The following FSCN1 variants were observed in gnomAD, a reference collection of about 807,000 sequenced individuals.
FSCN1 encodes the protein fascin.
Under a neutral mutation model 39.7 loss-of-function variants are expected in FSCN1, and 10 were observed. That is an observed-to-expected ratio of 0.25 (90% CI 0.16 to 0.43). The LOEUF (loss-of-function observed/expected upper bound fraction) is 0.43, where lower values mean the gene tolerates loss of function less well. Ranked by LOEUF, FSCN1 falls within the 20% of genes least tolerant of loss-of-function variation. The pLI is 1.00. For missense variants in FSCN1, 525 were observed against 723.8 expected (o/e 0.73, Z 3.15); for synonymous variants, 322 against 320.0 (o/e 1.01, Z -0.07).
rs1785864624 is a variant in FSCN1, at chr7:5,603,171, G to A, written c.833-86G>A. ...CCCACCCCGTGGTGTTACCTTGCGTGTGTAGTTCTGTGAGCTCAGGGCTAT... is the reference window on the plus strand; with the variant it reads ...CCCACCCCGTGGTGTTACCTTGCGTATGTAGTTCTGTGAGCTCAGGGCTAT... On this transcript the variant is annotated intron_variant, in intron 1 of 4. Transcript: ENST00000382361. This position sits in a 1 kb window ranked among gnomAD's most constrained non-coding sequence, Gnocchi z 8.5. 2 of 1,485,616 alleles carry A rather than the reference G, an allele frequency of 1.3e-6. No individual in the cohort carries two copies. Among genetic ancestry groups the A allele is most frequent in the African/African-American group, 1.4e-5 (1 of 72,646 alleles). 92.0% of individuals were successfully genotyped at this position (1,485,616 alleles called of 1,614,324 possible). A position where few individuals can be genotyped will look rare whatever the true frequency, so the allele number is the denominator to read the frequency against.
Position 5,605,846 on chromosome 7 carries a change from A to C in FSCN1, c.*372A>C. On this transcript the variant is annotated 3_prime_UTR_variant, in exon 5 of 5. Coordinates refer to ENST00000382361, the MANE Select transcript of FSCN1 (RefSeq NM_003088.4). The surrounding 1 kb of genome is among the most constrained non-coding windows in gnomAD (Gnocchi z 6.9). The stretch of plus-strand genomic sequence containing the variant: ...TGGGGGCTGGGAGCCCTGGGCGTGT[A>C]GTGTAACTGGAATCTTTTGCCTCTC... The C allele has an allele frequency of 5.2e-6, 1 of 193,858 alleles. No individual in the cohort carries two copies. Among genetic ancestry groups the C allele is most frequent in the Non-Finnish European group, 1.1e-5 (1 of 93,914 alleles). 12.0% of individuals were successfully genotyped at this position (193,858 alleles called of 1,614,324 possible). A position where few individuals can be genotyped will look rare whatever the true frequency, so the allele number is the denominator to read the frequency against.
At chr7:5,601,993 T>C (rs57071890) in intron 1 of FSCN1, among the ~76,000 whole-genome samples, 17,018 of 151,344 alleles carry the variant, frequency 0.11, 954 homozygotes, top group South Asian at 0.14. Context: ...TCATTCTTGT[T>C]GCCCAGGCTG....
At position 5,603,037 on chromosome 7, in the gene FSCN1, CAT is replaced by C. The variant is rs1162405993; in HGVS notation, c.833-219_833-218del. On this transcript the variant is annotated intron_variant, in intron 1 of 4. Transcript: ENST00000382361. This position sits in a 1 kb window ranked among gnomAD's most constrained non-coding sequence, Gnocchi z 8.5. ...TATTATTTCTCTAACTGGGGAAAGT[CAT>C]GTGGGAACAGATGTAGCTTGCCTTG... 1.7e-6 allele frequency: 1 copy of C among 586,652 alleles called. No individual in the cohort carries two copies. Among genetic ancestry groups the C allele is most frequent in the Non-Finnish European group, 3.0e-6 (1 of 329,124 alleles). 36.3% of individuals were successfully genotyped at this position (586,652 alleles called of 1,614,324 possible).
chr7:5,594,748 G>A (rs1050243729), intron 1 of FSCN1: 12 of 152,082 alleles, frequency 7.9e-5, no homozygotes, highest in Admixed American at 7.2e-4. Context: ...TCCGCTCCGC[G>A]GGCGACCGAG....
chr7:5,595,442 C>A (rs1336245610), intron 1 of FSCN1, among the ~76,000 whole-genome samples: 1 of 152,206 alleles, frequency 6.6e-6, no homozygotes, highest in Non-Finnish European at 1.5e-5. Context: ...TTGAGCCCTA[C>A]TAAGGGGACC....
intron 1 of FSCN1, chr7:5,594,045 A>AACCCCCC (rs1562744737): frequency 1.1e-5 from 3 of 262,494 alleles, no homozygotes; most frequent in Non-Finnish European, 2.0e-5. Flanking sequence ...CACCCTCCTA[A>AACCCCCC]CCCCCCCCCC....
In FSCN1 at chr7:5,603,068, T is replaced by C; in HGVS notation, c.833-189T>C. 1 of 630,304 alleles carries C rather than the reference T, an allele frequency of 1.6e-6. No individual in the cohort carries two copies. Among genetic ancestry groups the C allele is most frequent in the East Asian group, 2.7e-5 (1 of 36,894 alleles). 39.0% of individuals were successfully genotyped at this position (630,304 alleles called of 1,614,324 possible). On this transcript the variant is annotated intron_variant, in intron 1 of 4. Transcript: ENST00000382361. This position sits in a 1 kb window ranked among gnomAD's most constrained non-coding sequence, Gnocchi z 8.5. ...GGAACAGATGTAGCTTGCCTTGGCC[T>C]CTGACCGGCCCTGCCTGCGTTCCTG...
At position 5,593,044 on chromosome 7, in the gene FSCN1, C is replaced by T. The variant is rs945662061; in HGVS notation, c.108C>T (p.Ser36=). The change falls in exon 1 of 5, where the codon TCC becomes TCT. Residue 36 remains serine (S), a synonymous_variant. Transcript: ENST00000382361. The stretch of plus-strand genomic sequence containing the variant: ...CGTTCGGGTTCAAGGTGAACGCGTC[C>T]GCCAGCAGCCTGAAGAAGAAGCAGA... ...AEAFGFKVNA[S]ASSLKKKQIW... is the part of the protein sequence containing the mutation. 21 of 1,600,700 alleles carry T rather than the reference C, an allele frequency of 1.3e-5. No homozygotes were observed. The highest frequency in any genetic ancestry group is 2.7e-5 in the African/African-American group (2 of 74,796).
In FSCN1 at chr7:5,605,163, C is replaced by A; in HGVS notation, c.1280-109C>A. The A allele has an allele frequency of 1.3e-6, 1 of 769,244 alleles. No individual in the cohort carries two copies. Among genetic ancestry groups the A allele is most frequent in the Non-Finnish European group, 2.2e-6 (1 of 449,928 alleles). 47.7% of individuals were successfully genotyped at this position (769,244 alleles called of 1,614,324 possible). ...ACCCTGGCTCATTCCGGAGCCGGGA[C>A]TGGAGGGTGGGGCGTCACCCTTGGG... On this transcript the variant is annotated intron_variant, in intron 4 of 4. Coordinates refer to ENST00000382361, the MANE Select transcript of FSCN1 (RefSeq NM_003088.4). The surrounding 1 kb of genome is among the most constrained non-coding windows in gnomAD (Gnocchi z 6.9).
At chr7:5,597,895 C>A (rs117747856) in intron 1 of FSCN1, among the ~76,000 whole-genome samples, 1 of 151,984 alleles carries the variant, frequency 6.6e-6, no homozygotes, top group African/African-American at 2.4e-5. Flanking sequence ...TCCTGGCTCC[C>A]GGGGGCTTCT....
At chr7:5,601,236 T>C (rs1422386643) in intron 1 of FSCN1, among the ~76,000 whole-genome samples, 1 of 141,652 alleles carries the variant, frequency 7.1e-6, no homozygotes, top group Non-Finnish European at 1.5e-5. Context: ...GGATTCTTGC[T>C]CTGTCGCCCA....
intron 1 of FSCN1, 131 bp downstream of exon 1, chr7:5,593,899 G>A (rs111844911): frequency 0.043 from 28,408 of 658,290 alleles, 1,153 homozygotes; most frequent in African/African-American, 0.15. Context: ...TTGCGCCCCC[G>A]CTAGGCACGC....
chr7:5,603,051 T>C lies in FSCN1; in HGVS notation c.833-206T>C. 1 of 600,978 alleles carries C rather than the reference T, an allele frequency of 1.7e-6. No individual in the cohort carries two copies. The highest frequency in any genetic ancestry group is 3.0e-6 in the Non-Finnish European group (1 of 338,104). The allele number at this position is 600,978 out of a possible 1,614,324, so 37.2% of individuals were successfully genotyped here. On this transcript the variant is annotated intron_variant, in intron 1 of 4. Transcript: ENST00000382361. This position sits in a 1 kb window ranked among gnomAD's most constrained non-coding sequence, Gnocchi z 8.5. ...CTGGGGAAAGTCATGTGGGAACAGA[T>C]GTAGCTTGCCTTGGCCTCTGACCGG...
Position 5,603,599 on chromosome 7 carries a change from G to T in FSCN1, c.1093G>T (p.Ala365Ser). Residue 365 changes from alanine (A) to serine (S), a missense_variant, in exon 3 of 5, where the codon GCC becomes TCC. Around this residue, in one of 3 missense-constraint regions of FSCN1, gnomAD observed 275 missense variants for 351.9 expected, o/e 0.78. Coordinates refer to ENST00000382361, the MANE Select transcript of FSCN1 (RefSeq NM_003088.4). The surrounding 1 kb of genome is among the most constrained non-coding windows in gnomAD (Gnocchi z 8.5). ...CTCCAAGAAGAATGGGCAGCTGGCCGCCTCGGTGGAGACAGCAGGTAACAC... is the reference window on the plus strand; with the variant it reads ...CTCCAAGAAGAATGGGCAGCTGGCCTCCTCGGTGGAGACAGCAGGTAACAC... ...VTSKKNGQLA[A>S]SVETAGDSEL... 6.2e-7 allele frequency: 1 copy of T among 1,614,130 alleles called. No homozygotes were observed. Among genetic ancestry groups the T allele is most frequent in the Non-Finnish European group, 8.5e-7 (1 of 1,180,028 alleles).
In FSCN1 at chr7:5,599,913, C is replaced by A. The variant is rs1211755296; in HGVS notation, c.833-3344C>A. Among the ~76,000 whole-genome samples, 1 of 152,204 alleles carries A rather than the reference C, an allele frequency of 6.6e-6. No homozygotes were observed. Among genetic ancestry groups the A allele is most frequent in the Non-Finnish European group, 1.5e-5 (1 of 68,044 alleles). On this transcript the variant is annotated intron_variant, in intron 1 of 4. Transcript: ENST00000382361. The surrounding 1 kb of genome is among the most constrained non-coding windows in gnomAD (Gnocchi z 5.6). ...CTGCCACCCACCGCTGAGGTCCCTG[C>A]AGCATCAAGGTGCCCAAACGAAGAC...
chr7:5,603,370 A>C lies in FSCN1; in HGVS notation c.946A>C (p.Thr316Pro). The change falls in exon 2 of 5, where the codon ACG (threonine) becomes CCG (proline). Residue 316 changes from threonine (T) to proline (P), a missense_variant. Physicochemically the swap from Thr to Pro is conservative, Grantham distance 38 (BLOSUM62 -1). Coordinates refer to ENST00000382361, the MANE Select transcript of FSCN1 (RefSeq NM_003088.4). The surrounding 1 kb of genome is among the most constrained non-coding windows in gnomAD (Gnocchi z 8.5). ...CCGTACCCACACGGGCAAGTACTGGACGCTGACGGCCACCGGGGGCGTGCA... is the reference window on the plus strand; with the variant it reads ...CCGTACCCACACGGGCAAGTACTGGCCGCTGACGGCCACCGGGGGCGTGCA... ...AFRTHTGKYW[T>P]LTATGGVQST... 6.2e-7 allele frequency: 1 copy of C among 1,613,690 alleles called. No homozygotes were observed. Among genetic ancestry groups the C allele is most frequent in the South Asian group, 1.1e-5 (1 of 91,078 alleles).
Position 5,603,807 on chromosome 7 carries a change from A to G in FSCN1, c.1112-56A>G. 6.4e-7 allele frequency: 1 copy of G among 1,570,390 alleles called. No individual in the cohort carries two copies. The highest frequency in any genetic ancestry group is 8.7e-7 in the Non-Finnish European group (1 of 1,148,728). ...CTGGCCCTCCCTCTCTGGTCACCCC[A>G]GCCTCCACCCCACTCCCTGCCAGGA... On this transcript the variant is annotated intron_variant, in intron 3 of 4. Coordinates refer to ENST00000382361, the MANE Select transcript of FSCN1 (RefSeq NM_003088.4). The surrounding 1 kb of genome is among the most constrained non-coding windows in gnomAD (Gnocchi z 8.5).
Position 5,599,899 on chromosome 7 carries a change from C to T in FSCN1, c.833-3358C>T, listed in dbSNP as rs1184248345. Among the ~76,000 whole-genome samples the T allele has an allele frequency of 2.6e-5, 4 of 152,132 alleles. No homozygotes were observed. The highest frequency in any genetic ancestry group is 2.6e-4 in the Admixed American group (4 of 15,270). On this transcript the variant is annotated intron_variant, in intron 1 of 4. Transcript: ENST00000382361. This position sits in a 1 kb window ranked among gnomAD's most constrained non-coding sequence, Gnocchi z 5.6. ...CCTGTGGGTGCTGCCTGCCACCCAC[C>T]GCTGAGGTCCCTGCAGCATCAAGGT... is the stretch of plus-strand genomic sequence containing the variant.
rs941680619 is a variant in FSCN1 at position 5,599,307 on chromosome 7, C to G, written c.833-3950C>G. Among the ~76,000 whole-genome samples the G allele has an allele frequency of 6.6e-6, 1 of 152,122 alleles. No homozygotes were observed. Among genetic ancestry groups the G allele is most frequent in the Non-Finnish European group, 1.5e-5 (1 of 68,006 alleles). On this transcript the variant is annotated intron_variant, in intron 1 of 4. Transcript: ENST00000382361. This position sits in a 1 kb window ranked among gnomAD's most constrained non-coding sequence, Gnocchi z 5.6. ...TTCCAAGAAGGGGCGGGGCCAGGAA[C>G]CCATAGACAAGAGGGTGGGGCAGGG... is the stretch of plus-strand genomic sequence containing the variant.
Sources: allele counts gnomAD v4.1 joint callset (sites outside exome capture counted in the v4.1 genomes callset), GRCh38; gene constraint gnomAD v4.1.1; regional missense constraint gnomAD v4.1.1; non-coding constraint Gnocchi (gnomAD v3.1); transcripts MANE v1.5; gene names NCBI Gene and HGNC (gene_info 2026-07-23, HGNC 2026-07-21).